Variants in SRRM4 observed in about 807,000 individuals in gnomAD.
The protein encoded by SRRM4 is serine/arginine repetitive matrix 4.
Under a neutral mutation model 68.9 loss-of-function variants are expected in SRRM4, and 33 were observed. That is an observed-to-expected ratio of 0.48 (90% confidence interval 0.36 to 0.64). The LOEUF is 0.64. SRRM4 is among the 30% of genes least tolerant of loss of function. SRRM4 has a pLI of 0.00. For synonymous variants in SRRM4, 318 were observed against 318.8 expected (o/e 1.00, Z 0.03); for missense variants, 817 against 827.1 (o/e 0.99, Z 0.15).
At chr12:118,985,749 T>C (rs962126954) in intron 1 of SRRM4, among the ~76,000 whole-genome samples, 5 of 152,224 alleles carry the variant, frequency 3.3e-5, no homozygotes, top group African/African-American at 1.2e-4. Context: ...AGTTTGTACC[T>C]AAGAAGTTTC....
intron 1 of SRRM4, chr12:119,031,022 A>G (rs960184767): frequency 2.0e-5 from 3 of 152,212 alleles, no homozygotes; most frequent in Admixed American, 6.5e-5. Context: ...ACTGCTGGGT[A>G]ATAAGTTTCC....
intron 1 of SRRM4, among the ~76,000 whole-genome samples, chr12:119,084,181 A>C (rs1348418060): frequency 6.6e-6 from 1 of 152,318 alleles, no homozygotes; most frequent in South Asian, 2.1e-4. Context: ...CTGAGATCAC[A>C]GTCTGACTGC....
intron 8 of SRRM4, among the ~76,000 whole-genome samples, chr12:119,137,391 C>T (rs1249901370): frequency 6.6e-6 from 1 of 152,128 alleles, no homozygotes; most frequent in South Asian, 2.1e-4. Flanking sequence ...CTTTTTTCCC[C>T]GTTCTTGATT....
Position 119,114,355 on chromosome 12 carries a change from A to C in SRRM4, c.356A>C (p.Lys119Thr). 1 of 1,606,850 alleles carries C rather than the reference A, an allele frequency of 6.2e-7. No individual in the cohort carries two copies. The highest frequency in any genetic ancestry group is 1.1e-5 in the South Asian group (1 of 89,240). Residue 119 changes from lysine (K) to threonine (T), a missense_variant, in exon 3 of 13, where the codon AAG becomes ACG. By Grantham distance (78) the Lys-to-Thr change is moderately conservative. Coordinates refer to ENST00000267260, the MANE Select transcript of SRRM4 (RefSeq NM_194286.4). The part of the protein sequence containing the change: ...KKKKKKSTRK[K>T]RRRSSSYSPS... ...AAAAAGAAGAAATCCACTCGGAAGA[A>C]GAGAAGGAGGTAAGAGCACCAAGAG...
At chr12:119,043,775 T>TAAACACACAC (rs375408738) in intron 1 of SRRM4, among the ~76,000 whole-genome samples, 1 of 141,664 alleles carries the variant, frequency 7.1e-6, no homozygotes, top group African/African-American at 2.6e-5. Flanking sequence ...CATACACGCA[T>TAAACACACAC]ACACACACAC....
At chr12:118,989,708 T>C (rs1194947062) in intron 1 of SRRM4, 2 of 152,196 alleles carry the variant, frequency 1.3e-5, no homozygotes, top group African/African-American at 4.8e-5. Flanking sequence ...CATTAAGTAA[T>C]TCATGTCTAC....
At chr12:119,064,238 G>A (rs923379100) in intron 1 of SRRM4, among the ~76,000 whole-genome samples, 2 of 152,040 alleles carry the variant, frequency 1.3e-5, no homozygotes, top group East Asian at 3.9e-4. Context: ...GTATATCCTG[G>A]TAACTACGTG....
chr12:119,156,390 C>G, intron 12 of SRRM4, 105 bp from the exon 13 acceptor site: 1 of 1,449,098 alleles, frequency 6.9e-7, no homozygotes, highest in Non-Finnish European at 9.1e-7. Flanking sequence ...TCCTAAGGGA[C>G]TGGGGAAAGG....
At chr12:119,067,259 C>T (rs2136024510) in intron 1 of SRRM4, among the ~76,000 whole-genome samples, 1 of 152,302 alleles carries the variant, frequency 6.6e-6, no homozygotes, top group Non-Finnish European at 1.5e-5. Flanking sequence ...CAGTGCCTAG[C>T]ACCATGTCTG....
At chr12:119,055,076 C>T (rs1432152508) in intron 1 of SRRM4, among the ~76,000 whole-genome samples, 4 of 152,146 alleles carry the variant, frequency 2.6e-5, no homozygotes, top group Non-Finnish European at 4.4e-5. Context: ...AGAGAAGGGG[C>T]TTGTCCCTCA....
intron 1 of SRRM4, among the ~76,000 whole-genome samples, chr12:118,999,354 C>T (rs1953369246): frequency 6.6e-6 from 1 of 152,156 alleles, no homozygotes; most frequent in African/African-American, 2.4e-5. Flanking sequence ...TTTGCCTTGC[C>T]AGGGGCACCT....
chr12:119,017,379 C>T (rs1457584669), intron 1 of SRRM4, among the ~76,000 whole-genome samples: 1 of 152,240 alleles, frequency 6.6e-6, no homozygotes. Context: ...TTTGCTTGGA[C>T]TAGGCATTTC....
rs1954515041 is a variant in SRRM4, at chr12:119,161,698, G to C, written c.*4900G>C. Reference sequence around the variant, plus strand: ...TCTGCAGCAAGGGCATTACTGCCCAGGTAAGGAGTGCTAGAATCACCAAGC... The same window carrying C: ...TCTGCAGCAAGGGCATTACTGCCCACGTAAGGAGTGCTAGAATCACCAAGC... On this transcript the variant is annotated 3_prime_UTR_variant, in exon 13 of 13. Transcript: ENST00000267260. The C allele has an allele frequency of 6.6e-6, 1 of 152,630 alleles. No homozygotes were observed. Among genetic ancestry groups the C allele is most frequent in the Non-Finnish European group, 1.5e-5 (1 of 68,046 alleles). 9.5% of individuals were successfully genotyped at this position (152,630 alleles called of 1,614,324 possible).
chr12:119,091,326 G>T (rs1204889829), intron 1 of SRRM4, among the ~76,000 whole-genome samples: 1 of 152,142 alleles, frequency 6.6e-6, no homozygotes, highest in Non-Finnish European at 1.5e-5. Context: ...TCATTTCTAG[G>T]TTCTGAAGTA....
At chr12:119,111,766 G>A (rs759244740) in intron 2 of SRRM4, among the ~76,000 whole-genome samples, 6 of 152,142 alleles carry the variant, frequency 3.9e-5, no homozygotes, top group African/African-American at 7.2e-5. Flanking sequence ...TTTGGTGGCC[G>A]GGCACCATGG....
At chr12:119,149,223 C>A (rs1954423181) in intron 9 of SRRM4, among the ~76,000 whole-genome samples, 1 of 152,188 alleles carries the variant, frequency 6.6e-6, no homozygotes, top group South Asian at 2.1e-4. Flanking sequence ...TGGTGCGCAC[C>A]TGCAGTCCCA....
chr12:118,981,673 C>A lies in SRRM4; in HGVS notation c.-210C>A, dbSNP rs1051081759. ...GCAGCCTGGAGCCGACCCAGAAGGG[C>A]GAAGAAAGCCCAGCGGACGAGCCTC... On this transcript the variant is annotated 5_prime_UTR_variant, in exon 1 of 13. Coordinates refer to ENST00000267260, the MANE Select transcript of SRRM4 (RefSeq NM_194286.4). 8 of 575,344 alleles carry A rather than the reference C, an allele frequency of 1.4e-5. No homozygotes were observed. The highest frequency in any genetic ancestry group is 1.3e-4 in the African/African-American group (7 of 52,882). The allele number at this position is 575,344 out of a possible 1,614,324, so 35.6% of individuals were successfully genotyped here.
intron 1 of SRRM4, among the ~76,000 whole-genome samples, chr12:119,021,746 C>G (rs1224908224): frequency 2.0e-5 from 3 of 152,150 alleles, no homozygotes; most frequent in Non-Finnish European, 4.4e-5. Flanking sequence ...ATGTCTCTGC[C>G]AAAGACATGG....
At chr12:119,051,826 C>A (rs951958103) in intron 1 of SRRM4, among the ~76,000 whole-genome samples, 5 of 152,204 alleles carry the variant, frequency 3.3e-5, no homozygotes, top group African/African-American at 1.2e-4. Context: ...TTTGGTGGAG[C>A]ACATTTTGGT....
Sources: allele counts gnomAD v4.1 joint callset (sites outside exome capture counted in the v4.1 genomes callset), GRCh38; gene constraint gnomAD v4.1.1; transcripts MANE v1.5; gene names NCBI Gene and HGNC (gene_info 2026-07-23, HGNC 2026-07-21).